Variants in SIGLEC5 observed in about 807,000 individuals in gnomAD.
SIGLEC5 encodes sialic acid-binding Ig-like lectin 5.
SIGLEC5 carries 34 observed loss-of-function variants against 45.9 expected under a neutral mutation model. The observed-to-expected ratio is 0.74, with a 90% CI of 0.56 to 0.99. The LOEUF (loss-of-function observed/expected upper bound fraction) is 0.99. Among genes scored for constraint, SIGLEC5 ranks in the 50% least tolerant of loss-of-function variants. The pLI is 0.00. For synonymous variants in SIGLEC5, 203 were observed against 258.6 expected, an observed-to-expected ratio of 0.79 and a Z score of 2.06; for missense variants, 508 against 629.6, an observed-to-expected ratio of 0.81 and a Z score of 2.07.
In SIGLEC5 at chr19:51,612,304, A is replaced by G. The variant is rs758784649; in HGVS notation, c.1583T>C (p.Met528Thr). ...LHYASLSFSEMKSREPKDQEA... is the reference protein window; with the variant it reads ...LHYASLSFSETKSREPKDQEA... ...CTGGTCCTTAGGCTCCCTCGACTTC[A>G]TCTCAGAAAAACTAAGGGAGGCATA... The change falls in exon 9 of 9, where the codon ATG (methionine) becomes ACG (threonine). Residue 528 changes from methionine to threonine, a missense_variant. Around this residue, in one of 2 missense-constraint regions of SIGLEC5, gnomAD observed 431 missense variants for 428.8 expected, o/e 1.01. Coordinates refer to ENST00000683636, the MANE Select transcript of SIGLEC5 (RefSeq NM_003830.4). 8 of 1,613,134 alleles carry G rather than the reference A, an allele frequency of 5.0e-6. No individual in the cohort carries two copies. Among genetic ancestry groups the G allele is most frequent in the Middle Eastern group, 1.7e-4 (1 of 5,782 alleles).
rs1176707564 is a variant in SIGLEC5, at chr19:51,626,098, C to A, written c.1398G>T (p.Arg466Ser). Reference protein sequence around the residue: ...LIFFLIVKARRKQAAGRPEKM... With the variant: ...LIFFLIVKARSKQAAGRPEKM... ...TCTCTGGTCTCCCAGCTGCTTGCTT[C>A]CTGCGGGCTTTCACTCTAAGGAAAG... Residue 466 changes from arginine (R) to serine (S), a missense_variant, in exon 8 of 9, where the codon AGG (arginine) becomes AGT (serine). By Grantham distance (110) the Arg-to-Ser change is moderately radical. Around this residue, in one of 2 missense-constraint regions of SIGLEC5, gnomAD observed 431 missense variants for 428.8 expected, o/e 1.01. Transcript: ENST00000683636. The A allele has an allele frequency of 6.2e-7, 1 of 1,613,820 alleles. No homozygotes were observed. Among genetic ancestry groups the A allele is most frequent in the African/African-American group, 1.3e-5 (1 of 75,016 alleles).
At chr19:51,629,749 C>T (rs576000756) in intron 2 of SIGLEC5, 84 bp downstream of exon 2, 6 of 1,000,096 alleles carry the variant, frequency 6.0e-6, no homozygotes, top group Non-Finnish European at 1.5e-6. Flanking sequence ...ACACCTCCTC[C>T]AGCCGCCCCT....
intron 8 of SIGLEC5, among the ~76,000 whole-genome samples, chr19:51,617,814 AAAT>A (rs1341472096): frequency 1.3e-5 from 2 of 152,128 alleles, no homozygotes; most frequent in South Asian, 2.1e-4. Context: ...TTAAAAAATC[AAAT>A]AATAGAAAAA....
In SIGLEC5 at chr19:51,625,568, G is replaced by A. The variant is rs776136362; in HGVS notation, c.1464+464C>T. ...TTGGTGGCCGGGCGCGGTGGCTTAC[G>A]CCTGTAATCCCAGCACTTTGGGAGG... On this transcript the variant is annotated intron_variant, in intron 8 of 8. Transcript: ENST00000683636. Among the ~76,000 whole-genome samples, 26 of 152,134 alleles carry A rather than the reference G, an allele frequency of 1.7e-4. 1 individual carries two copies. The highest frequency in any genetic ancestry group is 6.5e-4 in the Admixed American group (10 of 15,278).
intron 8 of SIGLEC5, among the ~76,000 whole-genome samples, chr19:51,613,058 C>T (rs913792021): frequency 2.0e-5 from 3 of 152,220 alleles, no homozygotes; most frequent in Middle Eastern, 3.4e-3. Context: ...GTGTCCCACC[C>T]GCCCAACAGA....
intron 7 of SIGLEC5, among the ~76,000 whole-genome samples, chr19:51,626,429 C>T (rs966440452): frequency 1.3e-5 from 2 of 152,134 alleles, no homozygotes; most frequent in African/African-American, 4.8e-5. Flanking sequence ...AACAGCTGAA[C>T]CCACAAATCA....
intron 8 of SIGLEC5, among the ~76,000 whole-genome samples, chr19:51,624,911 C>T (rs1983421746): frequency 6.6e-6 from 1 of 152,104 alleles, no homozygotes; most frequent in African/African-American, 2.4e-5. Context: ...TTGCAGTGAG[C>T]CGAGGTTGCG....
At chr19:51,624,030 A>G (rs1983387866) in intron 8 of SIGLEC5, among the ~76,000 whole-genome samples, 1 of 152,116 alleles carries the variant, frequency 6.6e-6, no homozygotes, top group Non-Finnish European at 1.5e-5. Flanking sequence ...GTGGTGGTAC[A>G]TGCCTGTAAT....
At chr19:51,619,733 G>A (rs989201097) in intron 8 of SIGLEC5, among the ~76,000 whole-genome samples, 1 of 151,496 alleles carries the variant, frequency 6.6e-6, no homozygotes, top group Admixed American at 6.6e-5. Context: ...TGAAAATATA[G>A]ACACTAAGAA....
At chr19:51,618,546 C>T (rs1983159055) in intron 8 of SIGLEC5, among the ~76,000 whole-genome samples, 1 of 150,418 alleles carries the variant, frequency 6.6e-6, no homozygotes, top group African/African-American at 2.4e-5. Context: ...AATCCCAGCA[C>T]TTTGGGAGGA....
At chr19:51,626,274 C>G (rs1436641438) in intron 7 of SIGLEC5, among the ~76,000 whole-genome samples, 161 bp from the exon 8 acceptor site, 1 of 152,132 alleles carries the variant, frequency 6.6e-6, no homozygotes, top group Non-Finnish European at 1.5e-5. Context: ...CTCCATCCTC[C>G]TGGATAACCA....
In SIGLEC5 at chr19:51,627,879, G is replaced by C. The variant is rs752777277; in HGVS notation, c.952C>G (p.His318Asp). 6.2e-7 allele frequency: 1 copy of C among 1,612,558 alleles called. No homozygotes were observed. The highest frequency in any genetic ancestry group is 8.5e-7 in the Non-Finnish European group (1 of 1,179,318). Reference sequence around the variant, plus strand: ...AAAATTTGCAGGAAGCCCAGCGGGTGCTGAGCGCGGCAGGTGAAGCCTCCT... The same window carrying C: ...AAAATTTGCAGGAAGCCCAGCGGGTCCTGAGCGCGGCAGGTGAAGCCTCCT... ...EEGGFTCRAQHPLGFLQIFLN... is the reference protein window; with the variant it reads ...EEGGFTCRAQDPLGFLQIFLN... Residue 318 changes from histidine (H) to aspartate (D), a missense_variant, in exon 5 of 9, where the codon CAC becomes GAC. Physicochemically the swap from His to Asp is moderately conservative, Grantham distance 81. This residue lies in a region of SIGLEC5 where 431 missense variants were observed against 428.8 expected (regional missense o/e 1.01). Transcript: ENST00000683636.
Position 51,612,366 on chromosome 19 carries a change from C to A in SIGLEC5, c.1521G>T (p.Gly507=), listed in dbSNP as rs774066777. 2.5e-6 allele frequency: 4 copies of A among 1,613,160 alleles called. No individual in the cohort carries two copies. Among genetic ancestry groups the A allele is most frequent in the Non-Finnish European group, 3.4e-6 (4 of 1,179,564 alleles). ...TTTGTTCTTCCAAGGGAGGGGCATC[C>A]CCAGGAGGAGATGCTTGATCTCCGG... ...DSPGDQASPP[G]DAPPLEEQKE... is the part of the protein sequence containing the mutation. Residue 507 remains glycine, a synonymous_variant, in exon 9 of 9, where the codon GGG becomes GGT. Coordinates refer to ENST00000683636, the MANE Select transcript of SIGLEC5 (RefSeq NM_003830.4).
At chr19:51,621,139 A>G (rs751321675) in intron 8 of SIGLEC5, 5 of 152,238 alleles carry the variant, frequency 3.3e-5, no homozygotes, top group Non-Finnish European at 7.3e-5. Flanking sequence ...TGAGAGAATT[A>G]TGACAATTCT....
chr19:51,622,630 C>T (rs888544680), intron 8 of SIGLEC5, among the ~76,000 whole-genome samples: 6 of 151,892 alleles, frequency 4.0e-5, no homozygotes, highest in Non-Finnish European at 5.9e-5. Context: ...AGAAAGAGAC[C>T]GACAAATATA....
At chr19:51,625,687 G>A (rs573590689) in intron 8 of SIGLEC5, among the ~76,000 whole-genome samples, 37 of 152,104 alleles carry the variant, frequency 2.4e-4, no homozygotes, top group Admixed American at 1.2e-3. Context: ...AAAATTAGCC[G>A]GGCATGGTGG....
chr19:51,629,448 G>A lies in SIGLEC5; in HGVS notation c.610C>T (p.Pro204Ser), dbSNP rs1983648472. The A allele has an allele frequency of 6.2e-7, 1 of 1,613,462 alleles. No homozygotes were observed. The highest frequency in any genetic ancestry group is 1.3e-5 in the African/African-American group (1 of 74,688). Reference protein sequence around the residue: ...RSSELTLTPRPEDHGTNLTCQ... With the variant: ...RSSELTLTPRSEDHGTNLTCQ... ...GTGAGGTTGGTGCCATGGTCCTCGGGCCTGGGGGTGAGGGTGAGCTCCGAG... is the reference window on the plus strand; with the variant it reads ...GTGAGGTTGGTGCCATGGTCCTCGGACCTGGGGGTGAGGGTGAGCTCCGAG... The change falls in exon 3 of 9, where the codon CCC (proline) becomes TCC (serine). Residue 204 changes from proline to serine, a missense_variant. This residue lies in a region of SIGLEC5 where 77 missense variants were observed against 200.8 expected (regional missense o/e 0.38). Transcript: ENST00000683636.
At chr19:51,626,172 G>T in intron 7 of SIGLEC5, 59 bp from the exon 8 acceptor site, 1 of 1,362,718 alleles carries the variant, frequency 7.3e-7, no homozygotes, top group Non-Finnish European at 1.0e-6. Context: ...TTAGCGGGTT[G>T]TCCCATCCCA....
At chr19:51,618,443 T>TAA (rs1228951315) in intron 8 of SIGLEC5, among the ~76,000 whole-genome samples, 2,744 of 49,408 alleles carry the variant, frequency 0.056, 339 homozygotes, top group Middle Eastern at 0.14. Flanking sequence ...AGACCCTGCC[T>TAA]AAAAAAAAAA....
Sources: gnomAD v4.1 joint callset for allele counts (sites outside exome capture counted in the v4.1 genomes callset) on GRCh38, gnomAD v4.1.1 for gene constraint, gnomAD v4.1.1 regional missense constraint, MANE v1.5 for transcripts, NCBI Gene and HGNC (gene_info 2026-07-23, HGNC 2026-07-21) for gene names.